The following METTL15 variants were observed in gnomAD, a reference collection of about 807,000 sequenced individuals.
METTL15 encodes the protein 12S rRNA N(4)-cytidine methyltransferase METTL15.
A neutral mutation model predicts 38.3 loss-of-function variants in METTL15; 34 were observed. The ratio of observed to expected loss-of-function variants is 0.89; its 90% confidence interval spans 0.68 to 1.18. The LOEUF (loss-of-function observed/expected upper bound fraction) is 1.18. Ranked by LOEUF, METTL15 falls within the 50% of genes most tolerant of loss-of-function variation. The probability of loss-of-function intolerance (pLI) is 0.00; values close to 1 mark genes in which losing one functional copy is unlikely to be tolerated. For synonymous variants in METTL15, 162 were observed against 170.9 expected (o/e 0.95, Z 0.41); for missense variants, 438 against 498.4 (o/e 0.88, Z 1.15).
intron 5 of METTL15, among the ~76,000 whole-genome samples, chr11:28,373,076 A>T (rs1356520094): frequency 6.6e-6 from 1 of 152,032 alleles, no homozygotes; most frequent in East Asian, 1.9e-4. Context: ...TGCCACAGTA[A>T]ACATACGTGT....
chr11:28,380,151 CA>C (rs1189974856), intron 5 of METTL15, among the ~76,000 whole-genome samples: 1 of 146,604 alleles, frequency 6.8e-6, no homozygotes, highest in Non-Finnish European at 1.5e-5. Context: ...GTTCTTTATC[CA>C]TTCAGCCACT....
chr11:28,450,995 T>C (rs1851115678), intron 6 of METTL15, among the ~76,000 whole-genome samples: 1 of 152,232 alleles, frequency 6.6e-6, no homozygotes, highest in Admixed American at 6.5e-5. Flanking sequence ...CCAAGCTTAG[T>C]AAATGATGGG....
At chr11:28,213,278 T>G (rs1423780957) in intron 4 of METTL15, among the ~76,000 whole-genome samples, 1 of 151,578 alleles carries the variant, frequency 6.6e-6, no homozygotes, top group African/African-American at 2.4e-5. Context: ...AAGGAAAGTA[T>G]AAACAAAAAA....
In METTL15 at chr11:28,195,596, A is replaced by G. The variant is rs567524477; in HGVS notation, c.271-15466A>G. ...GCTCATTTTTTCGAGTTCCGTGTGG[A>G]TTCTGGATGTTAGTCCTTTGTTGGT... On this transcript the variant is annotated intron_variant, in intron 3 of 6. Transcript: ENST00000407364. Among the ~76,000 whole-genome samples, 5 of 151,950 alleles carry G rather than the reference A, an allele frequency of 3.3e-5. 1 individual carries two copies. In the South Asian group the frequency reaches 8.3e-4, roughly 25 times the overall value.
At chr11:28,418,170 C>T (rs1319323425) in intron 5 of METTL15, among the ~76,000 whole-genome samples, 1 of 152,098 alleles carries the variant, frequency 6.6e-6, no homozygotes, top group African/African-American at 2.4e-5. Context: ...CAGTGTATGT[C>T]TCTCTGATGA....
chr11:28,367,633 A>C (rs1048319229), intron 5 of METTL15, among the ~76,000 whole-genome samples: 9 of 152,234 alleles, frequency 5.9e-5, no homozygotes, highest in African/African-American at 2.2e-4. Flanking sequence ...AAGAGCCTGC[A>C]TAGCCAAAAT....
intron 5 of METTL15, among the ~76,000 whole-genome samples, chr11:28,373,977 G>C (rs1357745965): frequency 9.2e-5 from 14 of 152,146 alleles, no homozygotes; most frequent in Non-Finnish European, 1.5e-5. Flanking sequence ...GATAGTTGTA[G>C]TTATGCGGCG....
chr11:28,397,032 A>T (rs189865458), intron 5 of METTL15, among the ~76,000 whole-genome samples: 82 of 152,334 alleles, frequency 5.4e-4, no homozygotes, highest in Admixed American at 4.4e-3. Context: ...AAAACTGGCT[A>T]GCCATATGTA....
In METTL15 at chr11:28,247,858, A is replaced by G. The variant is rs1854577808; in HGVS notation, c.407+36660A>G. On this transcript the variant is annotated intron_variant, in intron 4 of 6. Transcript: ENST00000407364. Reference sequence around the variant, plus strand: ...GTCAACCAAGGGTTTAGGATCAACCATACAAATAATCAAAGGAAAGTTGTT... The same window carrying G: ...GTCAACCAAGGGTTTAGGATCAACCGTACAAATAATCAAAGGAAAGTTGTT... 2.0e-5 allele frequency among the ~76,000 whole-genome samples: 3 copies of G among 152,124 alleles called. No individual in the cohort carries two copies. The South Asian group carries it at 6.2e-4, about 31-fold the overall frequency.
chr11:28,310,216 G>T (rs1183751606), intron 6 of METTL15, among the ~76,000 whole-genome samples: 2 of 152,078 alleles, frequency 1.3e-5, no homozygotes, highest in Non-Finnish European at 2.9e-5. Context: ...ATAGATTTGG[G>T]GACAGAATTG....
At chr11:28,320,264 G>T (rs927955216) in intron 6 of METTL15, among the ~76,000 whole-genome samples, 2 of 149,452 alleles carry the variant, frequency 1.3e-5, no homozygotes. Flanking sequence ...TTGTAGAGCC[G>T]TGCTTAAAAA....
At chr11:28,475,642 T>A (rs1335375561) in intron 6 of METTL15, among the ~76,000 whole-genome samples, 2 of 152,214 alleles carry the variant, frequency 1.3e-5, no homozygotes. Context: ...TTATGTTCTG[T>A]TCAGAGTGTT....
intron 3 of METTL15, among the ~76,000 whole-genome samples, chr11:28,116,684 A>G (rs1851976078): frequency 6.6e-6 from 1 of 152,224 alleles, no homozygotes; most frequent in African/African-American, 2.4e-5. Context: ...GGTTCTTCAT[A>G]AAAATATTAT....
At chr11:28,306,703 T>C (rs1857094515) in intron 6 of METTL15, among the ~76,000 whole-genome samples, 1 of 152,032 alleles carries the variant, frequency 6.6e-6, no homozygotes, top group Non-Finnish European at 1.5e-5. Flanking sequence ...TTTTAAAGTT[T>C]AAAATGTTCA....
chr11:28,417,722 G>A (rs544893814), intron 5 of METTL15, among the ~76,000 whole-genome samples: 1 of 152,240 alleles, frequency 6.6e-6, no homozygotes, highest in African/African-American at 2.4e-5. Context: ...ATGCCTTTGT[G>A]TTTCCTGAGT....
chr11:28,281,775 G>A (rs958566357), intron 4 of METTL15, among the ~76,000 whole-genome samples: 2 of 152,054 alleles, frequency 1.3e-5, no homozygotes, highest in African/African-American at 4.8e-5. Context: ...TTTTATAGTT[G>A]AGCACTGGAC....
intron 6 of METTL15, among the ~76,000 whole-genome samples, chr11:28,491,153 G>A (rs1393989885): frequency 6.6e-6 from 1 of 152,156 alleles, no homozygotes; most frequent in Admixed American, 6.6e-5. Flanking sequence ...AAGGGGCTGG[G>A]AAAGCAGATT....
At chr11:28,292,915 T>C (rs1355838592) in intron 5 of METTL15, among the ~76,000 whole-genome samples, 1 of 152,200 alleles carries the variant, frequency 6.6e-6, no homozygotes, top group African/African-American at 2.4e-5. Flanking sequence ...TGTTTTTTTC[T>C]TGTAAATTTG....
At position 28,395,579 on chromosome 11, in the gene METTL15, C is replaced by A. The variant is rs139790484; in HGVS notation, c.*359-28720C>A. Among the ~76,000 whole-genome samples, 109 of 152,208 alleles carry A rather than the reference C, an allele frequency of 7.2e-4. 3 individuals are homozygous for A. In the East Asian group the frequency reaches 0.018, roughly 25 times the overall value. On this transcript the variant is annotated intron_variant and NMD_transcript_variant, in intron 5 of 7. Transcript: ENST00000532947. ...GGAAGAAGTTGAATCCCTGAACAGA[C>A]CAATAGCAGGCTGAAATAGAGGCAA...
Sources: gnomAD v4.1 joint callset for allele counts (sites outside exome capture counted in the v4.1 genomes callset) on GRCh38, gnomAD v4.1.1 for gene constraint, MANE v1.5 for transcripts, NCBI Gene and HGNC (gene_info 2026-07-23, HGNC 2026-07-21) for gene names.